The following MAPK10 variants were observed in gnomAD, a reference collection of about 807,000 sequenced individuals.
The protein encoded by MAPK10 is mitogen-activated protein kinase 10, also known as JNK3 alpha protein kinase.
A neutral mutation model predicts 59.3 loss-of-function variants in MAPK10; 25 were observed. The observed-to-expected ratio is 0.42, with a 90% CI of 0.31 to 0.59. MAPK10 has a LOEUF of 0.59. MAPK10 is among the 20% of genes least tolerant of loss of function. The probability of loss-of-function intolerance (pLI) is 0.15; values close to 1 mark genes in which losing one functional copy is unlikely to be tolerated. For synonymous variants in MAPK10, 190 were observed against 200.5 expected, an observed-to-expected ratio of 0.95 and a Z score of 0.44; for missense variants, 351 against 568.9, an observed-to-expected ratio of 0.62 and a Z score of 3.90.
intron 4 of MAPK10, among the ~76,000 whole-genome samples, chr4:86,109,971 C>G (rs1302581223): frequency 6.6e-6 from 1 of 152,180 alleles, no homozygotes. Flanking sequence ...TTGCATTTCT[C>G]TGATAACCAG....
chr4:86,181,342 C>T (rs2076905718), intron 3 of MAPK10, among the ~76,000 whole-genome samples: 1 of 151,950 alleles, frequency 6.6e-6, no homozygotes, highest in Non-Finnish European at 1.5e-5. Flanking sequence ...TCTAGTGCTG[C>T]TTAAATTTAT....
intron 4 of MAPK10, among the ~76,000 whole-genome samples, chr4:86,140,885 A>T (rs1333348581): frequency 6.6e-6 from 1 of 152,182 alleles, no homozygotes; most frequent in East Asian, 1.9e-4. Flanking sequence ...CACAATAAAT[A>T]CTTTGCAAAG....
intron 2 of MAPK10, among the ~76,000 whole-genome samples, chr4:86,343,609 G>C (rs1469859986): frequency 6.6e-6 from 1 of 152,118 alleles, no homozygotes; most frequent in Admixed American, 6.5e-5. Context: ...ACCCCTGAGT[G>C]TCCCCAAGAC....
intron 1 of MAPK10, among the ~76,000 whole-genome samples, chr4:86,370,408 G>C (rs1235124053): frequency 6.6e-6 from 1 of 152,014 alleles, no homozygotes; most frequent in Non-Finnish European, 1.5e-5. Context: ...AGCAAAAATA[G>C]TGTCACTGTT....
chr4:86,444,274 G>A (rs534646601), intron 1 of MAPK10, among the ~76,000 whole-genome samples: 30 of 152,128 alleles, frequency 2.0e-4, no homozygotes, highest in East Asian at 9.7e-4. Flanking sequence ...TACAAAAATC[G>A]TATTCAAATG....
intron 4 of MAPK10, among the ~76,000 whole-genome samples, chr4:86,114,567 C>T (rs1439841241): frequency 6.6e-6 from 1 of 152,200 alleles, no homozygotes; most frequent in African/African-American, 2.4e-5. Context: ...TCTGGAAGCT[C>T]CATACCAGAG....
At chr4:86,296,175 C>CAAAAAA (rs34854999) in intron 2 of MAPK10, among the ~76,000 whole-genome samples, 1 of 116,268 alleles carries the variant, frequency 8.6e-6, no homozygotes, top group Non-Finnish European at 1.8e-5. Context: ...GACTTGGTCT[C>CAAAAAA]AAAAAAAAAA....
chr4:86,537,370 G>A (rs888678203), intron 1 of MAPK10, among the ~76,000 whole-genome samples: 4 of 152,178 alleles, frequency 2.6e-5, no homozygotes, highest in Admixed American at 2.6e-4. Flanking sequence ...ATATAAGTGT[G>A]TGTATGCAAA....
chr4:86,563,672 G>C (rs1038279467), intron 1 of MAPK10, among the ~76,000 whole-genome samples: 1 of 151,942 alleles, frequency 6.6e-6, no homozygotes, highest in Non-Finnish European at 1.5e-5. Flanking sequence ...TATGTTTTTT[G>C]TTTTCTTCTC....
At chr4:86,295,565 G>A (rs891897068) in intron 2 of MAPK10, among the ~76,000 whole-genome samples, 5 of 151,844 alleles carry the variant, frequency 3.3e-5, no homozygotes, top group Non-Finnish European at 7.4e-5. Flanking sequence ...CATAATAAAT[G>A]CTTAAAGATT....
At chr4:86,435,275 T>C (rs946722297) in intron 1 of MAPK10, among the ~76,000 whole-genome samples, 2 of 152,076 alleles carry the variant, frequency 1.3e-5, no homozygotes, top group Non-Finnish European at 2.9e-5. Flanking sequence ...GGCGGGCGGA[T>C]TACCTGAGGT....
chr4:86,381,416 C>G (rs1279809040), intron 1 of MAPK10, among the ~76,000 whole-genome samples: 1 of 152,178 alleles, frequency 6.6e-6, no homozygotes, highest in Non-Finnish European at 1.5e-5. Context: ...CACTGTAGGG[C>G]TGCTCTCCTT....
intron 11 of MAPK10, among the ~76,000 whole-genome samples, chr4:86,049,090 A>T (rs2043046022): frequency 6.6e-6 from 1 of 152,110 alleles, no homozygotes; most frequent in Admixed American, 6.6e-5. Flanking sequence ...TATCAGAAAG[A>T]AAGTGGTGCT....
chr4:86,280,086 G>T (rs778167898), intron 2 of MAPK10, among the ~76,000 whole-genome samples: 17 of 152,116 alleles, frequency 1.1e-4, no homozygotes, highest in Non-Finnish European at 2.4e-4. Context: ...CAAAAGCATT[G>T]CAACAAAAAC....
At chr4:86,055,067 T>A (rs1284341345) in intron 11 of MAPK10, among the ~76,000 whole-genome samples, 1 of 152,200 alleles carries the variant, frequency 6.6e-6, no homozygotes, top group Non-Finnish European at 1.5e-5. Context: ...CTGAGTTACC[T>A]CTTTGTTTTT....
At chr4:86,384,531 C>T (rs1006905179) in intron 1 of MAPK10, among the ~76,000 whole-genome samples, 1 of 152,060 alleles carries the variant, frequency 6.6e-6, no homozygotes, top group Admixed American at 6.6e-5. Context: ...ACACTAGGAC[C>T]ACTCTGGGAG....
chr4:86,314,652 A>ACATT (rs1396489743), intron 2 of MAPK10, among the ~76,000 whole-genome samples: 1 of 152,180 alleles, frequency 6.6e-6, no homozygotes, highest in African/African-American at 2.4e-5. Flanking sequence ...ATCACACTGT[A>ACATT]CATTTAAGAT....
intron 1 of MAPK10, among the ~76,000 whole-genome samples, chr4:86,578,830 T>A (rs1238523143): frequency 1.3e-5 from 2 of 151,620 alleles, no homozygotes; most frequent in Non-Finnish European, 2.9e-5. Context: ...ACTTGTGACA[T>A]AATGAAGCAT....
chr4:86,336,632 ACC>A (rs1436414402), intron 2 of MAPK10: 1 of 151,488 alleles, frequency 6.6e-6, no homozygotes, highest in African/African-American at 2.4e-5. Flanking sequence ...TGAAACTGAA[ACC>A]CTCCACCACA....
Sources: allele counts gnomAD v4.1 joint callset (sites outside exome capture counted in the v4.1 genomes callset), GRCh38; gene constraint gnomAD v4.1.1; transcripts MANE v1.5; gene names NCBI Gene and HGNC (gene_info 2026-07-23, HGNC 2026-07-21).